Variants in NALF1 observed in about 807,000 individuals in gnomAD.
NALF1 encodes family with sequence similarity 155 member A.
NALF1 carries 3 observed loss-of-function variants against 48.4 expected under a neutral mutation model. The observed-to-expected ratio is 0.06, with a 90% CI of 0.03 to 0.16. The LOEUF (loss-of-function observed/expected upper bound fraction) is 0.16. Among genes scored for constraint, NALF1 ranks in the 10% least tolerant of loss-of-function variants. NALF1 has a pLI of 1.00. For synonymous variants in NALF1, 262 were observed against 245.7 expected, an observed-to-expected ratio of 1.07 and a Z score of -0.62; for missense variants, 526 against 571.5, an observed-to-expected ratio of 0.92 and a Z score of 0.81.
At chr13:107,687,006 T>A (rs1881447227) in intron 1 of NALF1, among the ~76,000 whole-genome samples, 1 of 152,210 alleles carries the variant, frequency 6.6e-6, no homozygotes, top group Non-Finnish European at 1.5e-5. Flanking sequence ...CAATCCTATG[T>A]TTATTGCAGC....
intron 1 of NALF1, among the ~76,000 whole-genome samples, chr13:107,211,009 T>C (rs1398156209): frequency 1.3e-5 from 2 of 152,238 alleles, no homozygotes; most frequent in Non-Finnish European, 2.9e-5. Context: ...TTTAATTTTA[T>C]GTGGCTTATT....
chr13:107,302,238 G>T (rs1037037418), intron 1 of NALF1, among the ~76,000 whole-genome samples: 5 of 152,174 alleles, frequency 3.3e-5, no homozygotes, highest in Admixed American at 6.5e-5. Flanking sequence ...CCCACCAGAC[G>T]CAGTCCCTGA....
chr13:107,324,151 AG>A (rs1240175451), intron 1 of NALF1, among the ~76,000 whole-genome samples: 2 of 152,202 alleles, frequency 1.3e-5, no homozygotes, highest in African/African-American at 4.8e-5. Flanking sequence ...GAAATAAAAA[AG>A]TGGCTTTAGA....
rs543426857 is a variant in NALF1 at position 107,725,754 on chromosome 13, C to T, written c.915+139928G>A. On this transcript the variant is annotated intron_variant, in intron 1 of 2. Coordinates refer to ENST00000375915, the MANE Select transcript of NALF1 (RefSeq NM_001080396.3). ...TCACTGACATATTGCAGCCCTAGAA[C>T]GTGATTGTATTCGGTAGACAAAAAA... Among the ~76,000 whole-genome samples the T allele has an allele frequency of 8.6e-5, 13 of 150,902 alleles. No homozygotes were observed. In the East Asian group the frequency reaches 1.7e-3, roughly 20 times the overall value.
At chr13:107,252,505 AG>A (rs34892247) in intron 1 of NALF1, among the ~76,000 whole-genome samples, 2 of 151,776 alleles carry the variant, frequency 1.3e-5, no homozygotes, top group East Asian at 3.9e-4. Flanking sequence ...GGAGGAGGGA[AG>A]GGGAAAAAGA....
At position 107,867,261 on chromosome 13, in the gene NALF1, G is replaced by A. The variant is rs1188552317; in HGVS notation, c.-665C>T. On this transcript the variant is annotated 5_prime_UTR_variant, in exon 1 of 3. Transcript: ENST00000375915. This position sits in a 1 kb window ranked among gnomAD's most constrained non-coding sequence, Gnocchi z 4.4. ...TCCGGAGCCTGGGCTGCCTCCGGCGGGGCGCTCCCTCCCCCCCACCCCCCA... is the reference window on the plus strand; with the variant it reads ...TCCGGAGCCTGGGCTGCCTCCGGCGAGGCGCTCCCTCCCCCCCACCCCCCA... Among the ~76,000 whole-genome samples the A allele has an allele frequency of 7.1e-4, 104 of 147,296 alleles. No individual in the cohort carries two copies. The highest frequency in any genetic ancestry group is 2.5e-3 in the African/African-American group (101 of 40,424).
chr13:107,648,110 A>AC (rs528566828), intron 1 of NALF1, among the ~76,000 whole-genome samples: 1 of 152,052 alleles, frequency 6.6e-6, no homozygotes, highest in Non-Finnish European at 1.5e-5. Flanking sequence ...CCCATATGTC[A>AC]CCCCCCATAC....
chr13:107,250,920 C>A (rs1408945446), intron 1 of NALF1, among the ~76,000 whole-genome samples: 1 of 152,116 alleles, frequency 6.6e-6, no homozygotes, highest in Non-Finnish European at 1.5e-5. Context: ...GTAGTATGTA[C>A]CTGCTTCTCC....
chr13:107,650,609 A>C (rs1363360095), intron 1 of NALF1, among the ~76,000 whole-genome samples: 1 of 152,002 alleles, frequency 6.6e-6, no homozygotes, highest in Non-Finnish European at 1.5e-5. Context: ...AGGGAAAAAA[A>C]CTGCAAATAT....
At chr13:107,243,577 G>C (rs1880520721) in intron 1 of NALF1, among the ~76,000 whole-genome samples, 1 of 152,202 alleles carries the variant, frequency 6.6e-6, no homozygotes, top group Non-Finnish European at 1.5e-5. Context: ...TTGGAACATG[G>C]TAGGAACTCA....
intron 1 of NALF1, among the ~76,000 whole-genome samples, chr13:107,503,815 A>G (rs976535222): frequency 2.0e-5 from 3 of 151,506 alleles, no homozygotes; most frequent in Admixed American, 6.6e-5. Context: ...GCCTTAAAAA[A>G]AGAAGACCCT....
rs965001810 is a variant in NALF1, at chr13:107,835,301, C to T, written c.915+30381G>A. The T allele has an allele frequency of 3.3e-5, 5 of 152,146 alleles. 1 individual carries two copies. Among genetic ancestry groups the T allele is most frequent in the African/African-American group, 1.2e-4 (5 of 41,426 alleles). The allele number at this position is 152,146 out of a possible 1,614,324, so 9.4% of individuals were successfully genotyped here. A position where few individuals can be genotyped will look rare whatever the true frequency, so the allele number is the denominator to read the frequency against. ...AAAAGCCTTACAATGTGTGTACTGT[C>T]CTCCATATCTCCCCTTCCCCAAATG... On this transcript the variant is annotated intron_variant, in intron 1 of 2. Transcript: ENST00000375915.
intron 1 of NALF1, among the ~76,000 whole-genome samples, chr13:107,752,099 A>G (rs1034618215): frequency 6.6e-6 from 1 of 152,058 alleles, no homozygotes; most frequent in African/African-American, 2.4e-5. Flanking sequence ...ATATTAAATA[A>G]TTTAAAAGTA....
chr13:107,853,471 G>C (rs1431656689), intron 1 of NALF1, among the ~76,000 whole-genome samples: 1 of 152,162 alleles, frequency 6.6e-6, no homozygotes. Flanking sequence ...AGGAAAAACT[G>C]ATAAGCATTG....
At chr13:107,498,565 C>T (rs538793863) in intron 1 of NALF1, among the ~76,000 whole-genome samples, 17 of 151,694 alleles carry the variant, frequency 1.1e-4, no homozygotes, top group African/African-American at 3.4e-4. Flanking sequence ...TGATGCAATT[C>T]GAAAAGAGAA....
intron 1 of NALF1, among the ~76,000 whole-genome samples, chr13:107,556,350 T>C (rs1018600): frequency 2.0e-5 from 3 of 146,812 alleles, no homozygotes; most frequent in Non-Finnish European, 3.0e-5. Context: ...TATATATATA[T>C]AGAGAGAGAG....
chr13:107,698,082 T>C (rs1474772593), intron 1 of NALF1, among the ~76,000 whole-genome samples: 1 of 152,176 alleles, frequency 6.6e-6, no homozygotes, highest in Non-Finnish European at 1.5e-5. Context: ...GGAAATCTCT[T>C]CATGACTATT....
intron 1 of NALF1, among the ~76,000 whole-genome samples, chr13:107,633,536 T>G (rs953518984): frequency 3.3e-5 from 5 of 151,952 alleles, no homozygotes; most frequent in African/African-American, 1.2e-4. Context: ...CTGTCCAAGT[T>G]ATTTACCTCC....
intron 1 of NALF1, among the ~76,000 whole-genome samples, chr13:107,397,190 G>A (rs1883727515): frequency 6.6e-6 from 1 of 152,182 alleles, no homozygotes; most frequent in Non-Finnish European, 1.5e-5. Context: ...CAGAGTCCAT[G>A]CATAAGAGCC....
Sources: gnomAD v4.1 joint callset for allele counts (sites outside exome capture counted in the v4.1 genomes callset) on GRCh38, gnomAD v4.1.1 for gene constraint, Gnocchi (gnomAD v3.1) non-coding constraint, MANE v1.5 for transcripts, NCBI Gene and HGNC (gene_info 2026-07-23, HGNC 2026-07-21) for gene names.